FBN2: variants seen among roughly 807,000 people sequenced by gnomAD.
FBN2 encodes fibrillin 2.
Under a neutral mutation model 355.6 loss-of-function variants are expected in FBN2, and 105 were observed. That is an observed-to-expected ratio of 0.30 (90% CI 0.25 to 0.35). The LOEUF is 0.35. Among genes scored for constraint, FBN2 ranks in the 10% least tolerant of loss-of-function variants. The pLI, the probability that FBN2 is intolerant of heterozygous loss-of-function variation, is 1.00. For synonymous variants in FBN2, 1,350 were observed against 1,301.2 expected (o/e 1.04, Z -0.81); for missense variants, 3,280 against 3,758.7 (o/e 0.87, Z 3.33).
At chr5:128,270,347 G>A (rs1013331411) in intron 62 of FBN2, among the ~76,000 whole-genome samples, 1 of 151,974 alleles carries the variant, frequency 6.6e-6, no homozygotes, top group Non-Finnish European at 1.5e-5. Context: ...GGCCAACATG[G>A]TGAAACCCCG....
At chr5:128,385,098 G>A (rs143996621) in intron 11 of FBN2, among the ~76,000 whole-genome samples, 1,891 of 152,076 alleles carry the variant, frequency 0.012, 45 homozygotes, top group African/African-American at 0.043. Flanking sequence ...ACAAGTGCAG[G>A]TTTATTACAT....
chr5:128,372,203 TATC>T (rs1407061950), intron 15 of FBN2, among the ~76,000 whole-genome samples: 7 of 152,218 alleles, frequency 4.6e-5, no homozygotes, highest in African/African-American at 1.7e-4. Context: ...ATTCAGTAGT[TATC>T]ATGTTGCCTG....
chr5:128,361,840 C>A lies in FBN2; in HGVS notation c.2437G>T (p.Glu813Ter). Residue 813 changes from glutamate (E) to a stop codon, truncating the protein, a stop_gained, in exon 19 of 65, where the codon GAA (glutamate) becomes TAA (stop). Coordinates refer to ENST00000262464, the MANE Select transcript of FBN2 (RefSeq NM_001999.4). LOFTEE classifies it high-confidence loss of function. ...CAAAGCAGTCTGTTTACTAAACATTCATCAATGTCTGAAAGCAACGATTGA... is the reference window on the plus strand; with the variant it reads ...CAAAGCAGTCTGTTTACTAAACATTAATCAATGTCTGAAAGCAACGATTGA... ...ASGRNCIDIDECLVNRLLCDN... is the reference protein window; with the variant it reads ...ASGRNCIDID 1 of 1,614,074 alleles carries A rather than the reference C, an allele frequency of 6.2e-7. No individual in the cohort carries two copies. The highest frequency in any genetic ancestry group is 8.5e-7 in the Non-Finnish European group (1 of 1,179,944).
At chr5:128,410,232 A>G (rs1753029052) in intron 7 of FBN2, among the ~76,000 whole-genome samples, 1 of 152,198 alleles carries the variant, frequency 6.6e-6, no homozygotes, top group African/African-American at 2.4e-5. Context: ...ACTTAATCCA[A>G]CAAAATAAAA....
intron 5 of FBN2, among the ~76,000 whole-genome samples, chr5:128,489,567 G>T (rs904065701): frequency 6.6e-6 from 1 of 152,036 alleles, no homozygotes; most frequent in Non-Finnish European, 1.5e-5. Flanking sequence ...TCATGAATGA[G>T]AAATGATAAA....
At chr5:128,315,160 T>A (rs1046668400) in intron 36 of FBN2, among the ~76,000 whole-genome samples, 5 of 152,164 alleles carry the variant, frequency 3.3e-5, no homozygotes, top group African/African-American at 4.8e-5. Context: ...TAAGTCATTT[T>A]AAAAAATAAT....
chr5:128,289,189 C>G lies in FBN2; in HGVS notation c.6575G>C (p.Gly2192Ala). 6.2e-7 allele frequency: 1 copy of G among 1,613,824 alleles called. No homozygotes were observed. The highest frequency in any genetic ancestry group is 1.1e-5 in the South Asian group (1 of 91,078). ...CATTGGACATTCACAGCGAAAAGATCCGTCGGTGTTGATACATTGACCATT... is the reference window on the plus strand; with the variant it reads ...CATTGGACATTCACAGCGAAAAGATGCGTCGGTGTTGATACATTGACCATT... ...CSNGQCINTD[G>A]SFRCECPMGY... The change falls in exon 52 of 65, where the codon GGA (glycine) becomes GCA (alanine). Residue 2192 changes from glycine to alanine, a missense_variant. Physicochemically the swap from Gly to Ala is moderately conservative, Grantham distance 60. This residue lies in a region of FBN2 where 2,284 missense variants were observed against 2,749.5 expected (regional missense o/e 0.83). Coordinates refer to ENST00000262464, the MANE Select transcript of FBN2 (RefSeq NM_001999.4).
chr5:128,369,006 T>C (rs565687266), intron 16 of FBN2, among the ~76,000 whole-genome samples, 176 bp downstream of exon 16: 1 of 152,128 alleles, frequency 6.6e-6, no homozygotes, highest in Non-Finnish European at 1.5e-5. Context: ...AAATCGTATA[T>C]AAACACAAGC....
chr5:128,324,959 C>T lies in FBN2; in HGVS notation c.4471+3737G>A, dbSNP rs545670735. ...AACCCTGAGTTCTAATTTGGTTGCA[C>T]TGTGGTCGGAGAGACTGTTTGTTAT... On this transcript the variant is annotated intron_variant, in intron 34 of 64. Transcript: ENST00000262464. Among the ~76,000 whole-genome samples, 8 of 152,182 alleles carry T rather than the reference C, an allele frequency of 5.3e-5. No homozygotes were observed. In the South Asian group the frequency reaches 1.7e-3, roughly 32 times the overall value.
At position 128,335,337 on chromosome 5, in the gene FBN2, G is replaced by A. The variant is rs371842413; in HGVS notation, c.3848-42C>T. The A allele has an allele frequency of 4.3e-5, 70 of 1,613,112 alleles. 1 individual carries two copies. Among genetic ancestry groups the A allele is most frequent in the South Asian group, 4.3e-4 (39 of 91,050 alleles). On this transcript the variant is annotated intron_variant, in intron 29 of 64. Transcript: ENST00000262464. ...AGCATCAAATGAAAATAAAAATGTC[G>A]TTCATCAATCTCAAATGTTTTTGTT...
chr5:128,393,263 C>G lies in FBN2; in HGVS notation c.1337G>C (p.Gly446Ala). 1 of 1,614,160 alleles carries G rather than the reference C, an allele frequency of 6.2e-7. No homozygotes were observed. Reference sequence around the variant, plus strand: ...TCCTGGGCCATAGCCATTGCCATTGCCACTTGGGGCAAAGCCATTTCCCCC... The same window carrying G: ...TCCTGGGCCATAGCCATTGCCATTGGCACTTGGGGCAAAGCCATTTCCCCC... ...GTGGNGFAPS[G>A]NGNGYGPGGT... is the part of the protein sequence containing the mutation. Residue 446 changes from glycine to alanine, a missense_variant, in exon 10 of 65, where the codon GGC becomes GCC. By Grantham distance (60) the Gly-to-Ala change is moderately conservative. Transcript: ENST00000262464.
At chr5:128,367,626 T>C (rs1054725563) in intron 16 of FBN2, among the ~76,000 whole-genome samples, 1 of 152,126 alleles carries the variant, frequency 6.6e-6, no homozygotes, top group East Asian at 1.9e-4. Context: ...TAATGTTTAG[T>C]GTAGGGACCT....
chr5:128,335,217 A>C lies in FBN2; in HGVS notation c.3926T>G (p.Leu1309Arg). The C allele has an allele frequency of 6.2e-7, 1 of 1,614,200 alleles. No individual in the cohort carries two copies. Among genetic ancestry groups the C allele is most frequent in the Non-Finnish European group, 8.5e-7 (1 of 1,180,020 alleles). Residue 1309 changes from leucine (L) to arginine (R), a missense_variant, in exon 30 of 65, where the codon CTC (leucine) becomes CGC (arginine). By Grantham distance (102) the Leu-to-Arg change is moderately radical. This residue lies in a region of FBN2 where 2,284 missense variants were observed against 2,749.5 expected (regional missense o/e 0.83). Coordinates refer to ENST00000262464, the MANE Select transcript of FBN2 (RefSeq NM_001999.4). Reference sequence around the variant, plus strand: ...GGAAGCCATGAAGCCATCATAGCAGAGGCAGCGATACTCTCCAGGAATGTT... The same window carrying C: ...GGAAGCCATGAAGCCATCATAGCAGCGGCAGCGATACTCTCCAGGAATGTT... ...CTNIPGEYRC[L>R]CYDGFMASMD...
chr5:128,308,562 T>G (rs1005902189), intron 41 of FBN2, among the ~76,000 whole-genome samples: 1 of 152,192 alleles, frequency 6.6e-6, no homozygotes, highest in Non-Finnish European at 1.5e-5. Flanking sequence ...CTATAGTTAT[T>G]AAAAGTTGCC....
chr5:128,423,950 T>A (rs1409541642), intron 7 of FBN2, among the ~76,000 whole-genome samples: 1 of 152,186 alleles, frequency 6.6e-6, no homozygotes, highest in Non-Finnish European at 1.5e-5. Flanking sequence ...AATGTCTTGA[T>A]GATAAAATGG....
chr5:128,391,507 A>G (rs573070548), intron 11 of FBN2, among the ~76,000 whole-genome samples: 69 of 152,304 alleles, frequency 4.5e-4, no homozygotes, highest in African/African-American at 1.6e-3. Context: ...GAATAAATCA[A>G]TAAATGTCTT....
At chr5:128,488,945 G>A (rs1755423959) in intron 5 of FBN2, among the ~76,000 whole-genome samples, 1 of 152,074 alleles carries the variant, frequency 6.6e-6, no homozygotes, top group African/African-American at 2.4e-5. Context: ...ATTGTGAATA[G>A]TGCCACAATA....
At chr5:128,382,757 T>C (rs78607923) in intron 11 of FBN2, among the ~76,000 whole-genome samples, 9,736 of 152,166 alleles carry the variant, frequency 0.064, 407 homozygotes, top group Non-Finnish European at 0.088. Flanking sequence ...TCAGATTCTA[T>C]CGATTAACCT....
chr5:128,509,388 G>A (rs749949354), intron 5 of FBN2, among the ~76,000 whole-genome samples: 7 of 152,040 alleles, frequency 4.6e-5, no homozygotes, highest in Non-Finnish European at 1.0e-4. Context: ...CCAGAAAAAT[G>A]TTCACCTCAG....
Sources: allele counts gnomAD v4.1 joint callset (sites outside exome capture counted in the v4.1 genomes callset), GRCh38; gene constraint gnomAD v4.1.1; regional missense constraint gnomAD v4.1.1; transcripts MANE v1.5; gene names NCBI Gene and HGNC (gene_info 2026-07-23, HGNC 2026-07-21).